DYSF: variants seen among roughly 807,000 people sequenced by gnomAD.
DYSF encodes dystrophy-associated fer-1-like 1.
Under a neutral mutation model 274.9 loss-of-function variants are expected in DYSF, and 212 were observed. The observed-to-expected ratio is 0.77, with a 90% CI of 0.69 to 0.86. The LOEUF (loss-of-function observed/expected upper bound fraction) is 0.86. DYSF is among the 40% of genes least tolerant of loss of function. The probability of loss-of-function intolerance (pLI) is 0.00; values close to 1 mark genes in which losing one functional copy is unlikely to be tolerated. For missense variants in DYSF, 2,666 were observed against 2,783.2 expected (o/e 0.96, Z 0.95); for synonymous variants, 1,091 against 1,078.7 (o/e 1.01, Z -0.22).
chr2:71,641,118 T>C (rs930266650), intron 41 of DYSF, among the ~76,000 whole-genome samples: 75 of 152,098 alleles, frequency 4.9e-4, no homozygotes, highest in Non-Finnish European at 1.2e-4. Flanking sequence ...TTTGATTTGA[T>C]TTTTCTCATT....
At chr2:71,492,058 G>A (rs1368543443) in intron 3 of DYSF, among the ~76,000 whole-genome samples, 1 of 152,182 alleles carries the variant, frequency 6.6e-6, no homozygotes, top group African/African-American at 2.4e-5. Context: ...CAGCGGGCCC[G>A]AAAGCATTGA....
At chr2:71,622,546 G>A (rs2094130226) in intron 41 of DYSF, among the ~76,000 whole-genome samples, 1 of 152,116 alleles carries the variant, frequency 6.6e-6, no homozygotes, top group Non-Finnish European at 1.5e-5. Context: ...CCATTAATTG[G>A]GATGATGATT....
chr2:71,598,486 C>T lies in DYSF; in HGVS notation c.3575-78C>T. ...CACAACCCTGCTCCAGCTTTGTGGC[C>T]CCACATGGCTCTGGAGAAGACATCT... On this transcript the variant is annotated intron_variant, in intron 32 of 55. Coordinates refer to ENST00000410020, the MANE Select transcript of DYSF (RefSeq NM_001130987.2). 9 of 1,549,514 alleles carry T rather than the reference C, an allele frequency of 5.8e-6. No homozygotes were observed. The South Asian group carries it at 1.0e-4, about 18-fold the overall frequency.
At chr2:71,528,238 A>G in intron 13 of DYSF, 60 bp from the exon 14 acceptor site, 1 of 1,458,120 alleles carries the variant, frequency 6.9e-7, no homozygotes, top group Non-Finnish European at 9.5e-7. Flanking sequence ...GATGGGGGAC[A>G]GTCAGGGTTT....
chr2:71,653,888 T>A (rs1465240369), intron 42 of DYSF, among the ~76,000 whole-genome samples: 1 of 149,824 alleles, frequency 6.7e-6, no homozygotes, highest in African/African-American at 2.4e-5. Context: ...AAACATAAGA[T>A]AATCAAACGT....
intron 3 of DYSF, among the ~76,000 whole-genome samples, chr2:71,501,075 A>G (rs953334837): frequency 1.3e-5 from 2 of 152,006 alleles, no homozygotes; most frequent in African/African-American, 4.8e-5. Flanking sequence ...GGATGGAGAC[A>G]CTCCAGGAGC....
At chr2:71,460,054 T>A (rs78052005) in intron 1 of DYSF, among the ~76,000 whole-genome samples, 3,453 of 152,190 alleles carry the variant, frequency 0.023, 55 homozygotes, top group African/African-American at 0.048. Context: ...GGGATGCAGA[T>A]CTAGCTATTT....
intron 51 of DYSF, among the ~76,000 whole-genome samples, chr2:71,671,975 C>A (rs3791832): frequency 0.82 from 124,885 of 151,902 alleles, 51,871 homozygotes; most frequent in Middle Eastern, 0.9. Context: ...GCAGGGGTGG[C>A]GAGGAGGAAG....
chr2:71,515,495 C>T (rs534033275), intron 7 of DYSF, 128 bp from the exon 8 acceptor site: 1 of 1,385,344 alleles, frequency 7.2e-7, no homozygotes, highest in African/African-American at 1.4e-5. Context: ...TTCCTAATTC[C>T]TTTTTAATAC....
intron 30 of DYSF, among the ~76,000 whole-genome samples, chr2:71,582,634 G>A (rs960731177): frequency 2.0e-5 from 3 of 152,104 alleles, no homozygotes; most frequent in Non-Finnish European, 4.4e-5. Context: ...AACTGTGCTG[G>A]TCAATGTTTA....
intron 1 of DYSF, among the ~76,000 whole-genome samples, chr2:71,474,141 G>A (rs1253803815): frequency 6.6e-6 from 1 of 152,060 alleles, no homozygotes; most frequent in Admixed American, 6.5e-5. Context: ...GGTCAGGCTG[G>A]TCTGGAACTC....
intron 45 of DYSF, among the ~76,000 whole-genome samples, chr2:71,664,019 G>C (rs78324663): frequency 1.3e-5 from 2 of 152,142 alleles, no homozygotes; most frequent in Non-Finnish European, 2.9e-5. Context: ...TCATTCTTTC[G>C]GTCTGTGGTC....
chr2:71,515,677 G>A lies in DYSF; in HGVS notation c.814G>A (p.Val272Met). The A allele has an allele frequency of 6.2e-7, 1 of 1,614,052 alleles. No individual in the cohort carries two copies. Among genetic ancestry groups the A allele is most frequent in the Non-Finnish European group, 8.5e-7 (1 of 1,180,010 alleles). Reference protein sequence around the residue: ...RQLPGVNIKPVVKVTAAGQTK... With the variant: ...RQLPGVNIKPMVKVTAAGQTK... ...GCTGCCGGGGGTGAACATCAAGCCT[G>A]TGGTCAAGGTTACCGCTGCAGGGCA... The change falls in exon 8 of 56, where the codon GTG becomes ATG. Residue 272 changes from valine (V) to methionine (M), a missense_variant. Physicochemically the swap from Val to Met is conservative, Grantham distance 21. Transcript: ENST00000410020.
intron 22 of DYSF, 148 bp downstream of exon 22, chr2:71,556,219 G>A (rs757101228): frequency 2.9e-6 from 2 of 694,082 alleles, no homozygotes; most frequent in Non-Finnish European, 5.1e-6. Flanking sequence ...TCCAAAGGTG[G>A]TGGAGCCAGT....
intron 7 of DYSF, 66 bp from the exon 8 acceptor site, chr2:71,515,557 G>T: frequency 1.2e-6 from 2 of 1,611,022 alleles, no homozygotes; most frequent in South Asian, 1.1e-5. Context: ...TGACTCTTGG[G>T]GTGGATGGTG....
At position 71,525,423 on chromosome 2, in the gene DYSF, C is replaced by T. The variant is rs188665652; in HGVS notation, c.1150-797C>T. 5.3e-5 allele frequency among the ~76,000 whole-genome samples: 8 copies of T among 152,208 alleles called. No individual in the cohort carries two copies. In the East Asian group the frequency reaches 1.5e-3, roughly 29 times the overall value. On this transcript the variant is annotated intron_variant, in intron 12 of 55. Coordinates refer to ENST00000410020, the MANE Select transcript of DYSF (RefSeq NM_001130987.2). ...ATTATTTGGTAGAGACAGGGTTTCC[C>T]CATGTTAGCGAGCTGGTCTTGAACT...
chr2:71,510,994 T>A (rs1261356797), intron 4 of DYSF, among the ~76,000 whole-genome samples: 1 of 152,228 alleles, frequency 6.6e-6, no homozygotes, highest in Non-Finnish European at 1.5e-5. Context: ...TTGCACTAAT[T>A]TGAGAGACTG....
At chr2:71,474,370 C>A (rs987689583) in intron 1 of DYSF, among the ~76,000 whole-genome samples, 1 of 152,232 alleles carries the variant, frequency 6.6e-6, no homozygotes, top group Admixed American at 6.5e-5. Context: ...TTCCTCAGAG[C>A]AGTTTGGGAA....
At chr2:71,515,993 G>A (rs1407993728) in intron 8 of DYSF, among the ~76,000 whole-genome samples, 187 bp from the exon 9 acceptor site, 1 of 152,162 alleles carries the variant, frequency 6.6e-6, no homozygotes, top group East Asian at 1.9e-4. Flanking sequence ...ACCCTGAAAT[G>A]ACCACGTCTG....
Sources: allele counts gnomAD v4.1 joint callset (sites outside exome capture counted in the v4.1 genomes callset), GRCh38; gene constraint gnomAD v4.1.1; transcripts MANE v1.5; gene names NCBI Gene and HGNC (gene_info 2026-07-23, HGNC 2026-07-21).